The following RXFP2 variants were observed in gnomAD, a reference collection of about 807,000 sequenced individuals.
RXFP2 encodes relaxin family peptide receptor 2.
RXFP2 carries 68 observed loss-of-function variants against 88.6 expected under a neutral mutation model. That is an observed-to-expected ratio of 0.77 (90% CI 0.63 to 0.94). RXFP2 has a LOEUF of 0.94. RXFP2 is among the 40% of genes least tolerant of loss of function. RXFP2 has a pLI of 0.00. For synonymous variants in RXFP2, 329 were observed against 306.8 expected (o/e 1.07, Z -0.76); for missense variants, 791 against 893.9 (o/e 0.88, Z 1.47).
intron 15 of RXFP2, 55 bp from the exon 16 acceptor site, chr13:31,792,623 A>T: frequency 6.4e-7 from 1 of 1,551,812 alleles, no homozygotes; most frequent in Non-Finnish European, 8.9e-7. Flanking sequence ...TAATCAGAAA[A>T]CTAAAACAGG....
intron 1 of RXFP2, among the ~76,000 whole-genome samples, chr13:31,752,315 AG>A (rs1309049063): frequency 8.5e-5 from 13 of 152,216 alleles, no homozygotes; most frequent in African/African-American, 3.1e-4. Context: ...TAGGGTCCTG[AG>A]GGACTTTTAC....
Position 31,792,793 on chromosome 13 carries a change from C to T in RXFP2, c.1491C>T (p.Leu497=). The T allele has an allele frequency of 1.9e-6, 3 of 1,614,150 alleles. No individual in the cohort carries two copies. The highest frequency in any genetic ancestry group is 2.5e-6 in the Non-Finnish European group (3 of 1,180,022). The change falls in exon 16 of 18, where the codon CTC becomes CTT. Residue 497 remains leucine (L), a synonymous_variant. Coordinates refer to ENST00000298386, the MANE Select transcript of RXFP2 (RefSeq NM_130806.5). Reference sequence around the variant, plus strand: ...GGATGGAGAGCGTGCAGTGCCGCCTCATGGGGTTCCTGGCCATGCTGTCCA... The same window carrying T: ...GGATGGAGAGCGTGCAGTGCCGCCTTATGGGGTTCCTGGCCATGCTGTCCA... ...LLWMESVQCR[L]MGFLAMLSTE...
At chr13:31,793,538 C>A (rs568730202) in intron 16 of RXFP2, among the ~76,000 whole-genome samples, 59 of 151,840 alleles carry the variant, frequency 3.9e-4, no homozygotes, top group African/African-American at 1.3e-3. Flanking sequence ...AGGTTTATTG[C>A]CTTTGTTAAA....
chr13:31,742,254 G>C (rs1871248989), intron 1 of RXFP2, among the ~76,000 whole-genome samples: 1 of 152,066 alleles, frequency 6.6e-6, no homozygotes, highest in Non-Finnish European at 1.5e-5. Context: ...AACCAAAACC[G>C]GGCCCGAACA....
intron 17 of RXFP2, among the ~76,000 whole-genome samples, chr13:31,800,372 C>A (rs1470673164): frequency 1.3e-5 from 2 of 152,142 alleles, no homozygotes; most frequent in Non-Finnish European, 2.9e-5. Context: ...AGATCAAGAC[C>A]ATCCTGGCTA....
intron 2 of RXFP2, 105 bp from the exon 3 acceptor site, chr13:31,761,619 T>C (rs1225405327): frequency 6.7e-6 from 5 of 740,754 alleles, no homozygotes; most frequent in Non-Finnish European, 9.6e-6. Context: ...AATAATTCTA[T>C]TACTTAAACA....
At chr13:31,785,529 T>C (rs890913037) in intron 11 of RXFP2, among the ~76,000 whole-genome samples, 2 of 151,728 alleles carry the variant, frequency 1.3e-5, no homozygotes, top group South Asian at 2.1e-4. Context: ...ACTTCTATAA[T>C]AGCACCTGTT....
intron 1 of RXFP2, among the ~76,000 whole-genome samples, chr13:31,741,394 T>A (rs1164380388): frequency 6.6e-6 from 1 of 152,154 alleles, no homozygotes. Context: ...TGCTTTGACA[T>A]TTTATTCCTA....
intron 5 of RXFP2, among the ~76,000 whole-genome samples, chr13:31,767,695 T>G (rs1263500433): frequency 6.6e-6 from 1 of 152,204 alleles, no homozygotes; most frequent in Non-Finnish European, 1.5e-5. Flanking sequence ...ACCTAAGATC[T>G]ACAACTAGTA....
intron 5 of RXFP2, among the ~76,000 whole-genome samples, chr13:31,771,649 G>T (rs1453007748): frequency 6.6e-6 from 1 of 151,974 alleles, no homozygotes; most frequent in African/African-American, 2.4e-5. Flanking sequence ...AACATTAGCT[G>T]GGCATGGTGG....
chr13:31,773,518 A>G (rs1192945906), intron 5 of RXFP2, among the ~76,000 whole-genome samples: 3 of 151,628 alleles, frequency 2.0e-5, no homozygotes, highest in African/African-American at 7.3e-5. Flanking sequence ...ACCATTTTTA[A>G]GTGTACAGTT....
At position 31,791,947 on chromosome 13, in the gene RXFP2, C is replaced by G; in HGVS notation, c.1287C>G (p.Thr429=). Residue 429 remains threonine (T), a synonymous_variant, in exon 15 of 18, where the codon ACC becomes ACG. Coordinates refer to ENST00000298386, the MANE Select transcript of RXFP2 (RefSeq NM_130806.5). The stretch of plus-strand genomic sequence containing the variant: ...TTGTCTGGGTTATAGCTTTCATTAC[C>G]TGCTTTGGAAATCTTTTTGTCATTG... ...RIFVWVIAFI[T]CFGNLFVIGM... The G allele has an allele frequency of 1.2e-6, 2 of 1,614,152 alleles. No homozygotes were observed. The highest frequency in any genetic ancestry group is 1.6e-4 in the Middle Eastern group (1 of 6,062).
At chr13:31,795,626 C>T (rs1039143112) in intron 16 of RXFP2, among the ~76,000 whole-genome samples, 8 of 152,232 alleles carry the variant, frequency 5.3e-5, no homozygotes, top group East Asian at 1.9e-4. Context: ...TCATTGAATA[C>T]GAAATGATTT....
chr13:31,760,164 C>T (rs1327493417), intron 2 of RXFP2, among the ~76,000 whole-genome samples: 1 of 152,168 alleles, frequency 6.6e-6, no homozygotes, highest in Non-Finnish European at 1.5e-5. Flanking sequence ...TCTCAGCTCA[C>T]TGCAACCTCT....
At chr13:31,796,251 T>G (rs964469168) in intron 16 of RXFP2, among the ~76,000 whole-genome samples, 1 of 150,732 alleles carries the variant, frequency 6.6e-6, no homozygotes, top group African/African-American at 2.4e-5. Flanking sequence ...GGGTTTCACC[T>G]TGTTAGCCAG....
intron 2 of RXFP2, among the ~76,000 whole-genome samples, chr13:31,759,044 T>C (rs918800548): frequency 2.2e-5 from 3 of 137,796 alleles, no homozygotes; most frequent in Non-Finnish European, 4.7e-5. Context: ...CAAAACTCCA[T>C]CTCAAAAAAA....
chr13:31,781,039 C>T (rs889617520), intron 9 of RXFP2, among the ~76,000 whole-genome samples: 5 of 152,280 alleles, frequency 3.3e-5, no homozygotes, highest in African/African-American at 9.6e-5. Flanking sequence ...TCACACAGAT[C>T]GGGATTCACA....
chr13:31,792,001 T>G lies in RXFP2; in HGVS notation c.1341T>G (p.Asn447Lys). The change falls in exon 15 of 18, where the codon AAT becomes AAG. Residue 447 changes from asparagine to lysine, a missense_variant. Asn to Lys is a moderately conservative substitution (Grantham distance 94, BLOSUM62 0). Transcript: ENST00000298386. ...TGAGATCTTTCATTAAAGCTGAAAA[T>G]ACAACTCACGCTATGTCCATCAAAA... ...IGMRSFIKAE[N>K]TTHAMSIKIL... 6.2e-7 allele frequency: 1 copy of G among 1,613,992 alleles called. No homozygotes were observed. The highest frequency in any genetic ancestry group is 8.5e-7 in the Non-Finnish European group (1 of 1,179,822).
intron 1 of RXFP2, among the ~76,000 whole-genome samples, chr13:31,752,000 G>A (rs188993805): frequency 6.6e-6 from 1 of 152,338 alleles, no homozygotes; most frequent in East Asian, 1.9e-4. Flanking sequence ...ACTTTTGGAA[G>A]AGAAGTCTTC....
Sources: gnomAD v4.1 joint callset for allele counts (sites outside exome capture counted in the v4.1 genomes callset) on GRCh38, gnomAD v4.1.1 for gene constraint, MANE v1.5 for transcripts, NCBI Gene and HGNC (gene_info 2026-07-23, HGNC 2026-07-21) for gene names.